The following RGS7 variants were observed in gnomAD, a reference collection of about 807,000 sequenced individuals.
RGS7 encodes the protein regulator of G protein signaling 7.
A neutral mutation model predicts 81.1 loss-of-function variants in RGS7; 27 were observed. The observed-to-expected ratio is 0.33, with a 90% CI of 0.25 to 0.46. The LOEUF is 0.46. RGS7 is among the 20% of genes least tolerant of loss of function. The pLI is 1.00. For missense variants in RGS7, 396 were observed against 607.4 expected (o/e 0.65, Z 3.66); for synonymous variants, 208 against 207.7 (o/e 1.00, Z -0.01).
chr1:241,196,637 T>C (rs750346903), intron 2 of RGS7, among the ~76,000 whole-genome samples: 5 of 152,022 alleles, frequency 3.3e-5, no homozygotes, highest in Admixed American at 1.3e-4. Flanking sequence ...AATTTGGCGA[T>C]GCAGAAAGGA....
chr1:240,999,908 A>C (rs1687884684), intron 3 of RGS7, among the ~76,000 whole-genome samples: 1 of 152,074 alleles, frequency 6.6e-6, no homozygotes, highest in South Asian at 2.1e-4. Flanking sequence ...TGGCCTGATG[A>C]ATGTTTTTTA....
chr1:241,065,063 C>T (rs1181443104), intron 3 of RGS7, among the ~76,000 whole-genome samples: 2 of 151,910 alleles, frequency 1.3e-5, no homozygotes, highest in East Asian at 1.9e-4. Flanking sequence ...ATTTTAGAAT[C>T]GGGAAGATAC....
intron 2 of RGS7, among the ~76,000 whole-genome samples, chr1:241,308,957 A>G (rs59107950): frequency 0.029 from 4,484 of 152,252 alleles, 208 homozygotes; most frequent in African/African-American, 0.1. Context: ...GACAGCGATC[A>G]GCTACGTGAG....
At chr1:241,200,454 C>A (rs2073417236) in intron 2 of RGS7, among the ~76,000 whole-genome samples, 1 of 152,168 alleles carries the variant, frequency 6.6e-6, no homozygotes, top group Non-Finnish European at 1.5e-5. Flanking sequence ...AAATCTTTGA[C>A]AAAGAGGTTG....
chr1:241,310,457 G>A (rs1307587916), intron 2 of RGS7, among the ~76,000 whole-genome samples: 6 of 104,538 alleles, frequency 5.7e-5, no homozygotes, highest in Non-Finnish European at 1.3e-4. Context: ...GTGTGTGTGT[G>A]TGAGAGTGTG....
chr1:241,026,381 G>C (rs976036128), intron 3 of RGS7, among the ~76,000 whole-genome samples: 1 of 152,074 alleles, frequency 6.6e-6, no homozygotes, highest in Admixed American at 6.6e-5. Context: ...TGAGGTCAGG[G>C]GTTAGAGACC....
chr1:241,323,844 T>A (rs539688007), intron 2 of RGS7, among the ~76,000 whole-genome samples: 1 of 152,236 alleles, frequency 6.6e-6, no homozygotes, highest in African/African-American at 2.4e-5. Flanking sequence ...ACAGAAGTCA[T>A]AATAATATAA....
intron 16 of RGS7, among the ~76,000 whole-genome samples, chr1:240,802,658 A>T (rs1485814703): frequency 1.3e-5 from 2 of 152,184 alleles, no homozygotes; most frequent in Non-Finnish European, 2.9e-5. Flanking sequence ...ACATGAAAAC[A>T]GCTTCTAATA....
chr1:240,920,318 T>C, intron 6 of RGS7: 2 of 1,460,366 alleles, frequency 1.4e-6, no homozygotes, highest in South Asian at 1.1e-5. Flanking sequence ...GAAACTTCAG[T>C]GGTCATGGTG....
At position 240,868,093 on chromosome 1, in the gene RGS7, A is replaced by AAAAGAAGAGAAAAGAAAG. The variant is rs1663693180; in HGVS notation, c.609+493_609+494insCTTTCTTTTCTCTTCTTT. 4.1e-5 allele frequency among the ~76,000 whole-genome samples: 6 copies of AAAAGAAGAGAAAAGAAAG among 147,140 alleles called. No homozygotes were observed. The highest frequency in any genetic ancestry group is 1.6e-4 in the African/African-American group (6 of 38,296). Reference sequence around the variant, plus strand: ...AGAAAAGAAAGAAAGAAAAAGAAAGAAAAGAAAAAGAAAGAAAAGAAAAGG... The same window carrying AAAAGAAGAGAAAAGAAAG: ...AGAAAAGAAAGAAAGAAAAAGAAAGAAAAGAAGAGAAAAGAAAGAAAGAAAAAGAAAGAAAAGAAAAGG... On this transcript the variant is annotated intron_variant, in intron 9 of 18. Transcript: ENST00000440928. This position sits in a 1 kb window ranked among gnomAD's most constrained non-coding sequence, Gnocchi z 5.1.
intron 4 of RGS7, among the ~76,000 whole-genome samples, chr1:240,938,942 C>T (rs536765952): frequency 2.6e-4 from 39 of 152,174 alleles, no homozygotes; most frequent in African/African-American, 8.9e-4. Context: ...CTTGTTAAAA[C>T]TTTAGTGCCA....
At chr1:241,260,156 A>G (rs2077255321) in intron 2 of RGS7, among the ~76,000 whole-genome samples, 1 of 152,032 alleles carries the variant, frequency 6.6e-6, no homozygotes, top group African/African-American at 2.4e-5. Context: ...GTCTCTATTG[A>G]TCTCACTCTT....
intron 2 of RGS7, among the ~76,000 whole-genome samples, chr1:241,155,222 TC>T (rs1215012803): frequency 6.6e-6 from 1 of 152,118 alleles, no homozygotes; most frequent in African/African-American, 2.4e-5. Flanking sequence ...CACCTCAGCT[TC>T]CCAAGTAGCT....
At chr1:241,103,159 GTGTGTGTATATATA>G (rs957641861) in intron 2 of RGS7, among the ~76,000 whole-genome samples, 6 of 149,444 alleles carry the variant, frequency 4.0e-5, no homozygotes, top group African/African-American at 1.3e-4. Flanking sequence ...ATATATGTAT[GTGTGTGTATATATA>G]TGTGTGTATA....
At position 241,147,796 on chromosome 1, in the gene RGS7, ATATATATATAT is replaced by A. The variant is rs1294358589; in HGVS notation, c.79-49045_79-49035del. ...GATTAAGTTTTATATATATATATAT[ATATATATATAT>A]ATATATATATATGTAAGAATCAATG... On this transcript the variant is annotated intron_variant, in intron 2 of 18. Transcript: ENST00000440928. Among the ~76,000 whole-genome samples, 2 of 117,418 alleles carry A rather than the reference ATATATATATAT, an allele frequency of 1.7e-5. 1 individual carries two copies. The highest frequency in any genetic ancestry group is 3.5e-5 in the Non-Finnish European group (2 of 57,818). The allele number at this position is 117,418 out of a possible 152,430, so 77.0% of individuals were successfully genotyped here. A position where few individuals can be genotyped will look rare whatever the true frequency, so the allele number is the denominator to read the frequency against.
chr1:240,887,382 C>T (rs1369138182), intron 6 of RGS7, among the ~76,000 whole-genome samples: 7 of 152,028 alleles, frequency 4.6e-5, no homozygotes, highest in Admixed American at 3.9e-4. Flanking sequence ...GCCCCTGCCA[C>T]CACGCCCGGC....
intron 2 of RGS7, among the ~76,000 whole-genome samples, chr1:241,295,893 A>C (rs924237474): frequency 6.6e-6 from 1 of 152,342 alleles, no homozygotes; most frequent in South Asian, 2.1e-4. Flanking sequence ...GTTGGGTATA[A>C]ACCGCCTGGG....
chr1:241,036,870 C>T (rs2060356668), intron 3 of RGS7, among the ~76,000 whole-genome samples: 1 of 152,110 alleles, frequency 6.6e-6, no homozygotes, highest in Non-Finnish European at 1.5e-5. Context: ...AAGGTGTCAA[C>T]CTCCAGTTAT....
intron 2 of RGS7, among the ~76,000 whole-genome samples, chr1:241,156,639 G>C (rs912744239): frequency 1.3e-5 from 2 of 151,992 alleles, no homozygotes; most frequent in Non-Finnish European, 2.9e-5. Flanking sequence ...CCGAAGACTT[G>C]TAGGTCAGGT....
Sources: gnomAD v4.1 joint callset for allele counts (sites outside exome capture counted in the v4.1 genomes callset) on GRCh38, gnomAD v4.1.1 for gene constraint, Gnocchi (gnomAD v3.1) non-coding constraint, MANE v1.5 for transcripts, NCBI Gene and HGNC (gene_info 2026-07-23, HGNC 2026-07-21) for gene names.